LARGE1: variants seen among roughly 807,000 people sequenced by gnomAD.
LARGE1 encodes xylosyl- and glucuronyltransferase LARGE1.
Under a neutral mutation model 87.6 loss-of-function variants are expected in LARGE1, and 43 were observed. The observed-to-expected ratio is 0.49, with a 90% CI of 0.38 to 0.63. The LOEUF is 0.63. LARGE1 is among the 30% of genes least tolerant of loss of function. LARGE1 has a pLI of 0.00. For synonymous variants in LARGE1, 434 were observed against 394.6 expected (o/e 1.10, Z -1.18); for missense variants, 802 against 1,000.2 (o/e 0.80, Z 2.67).
intron 1 of LARGE1, among the ~76,000 whole-genome samples, chr22:33,874,616 G>A (rs2064407572): frequency 6.6e-6 from 1 of 151,984 alleles, no homozygotes; most frequent in African/African-American, 2.4e-5. Context: ...ATAAATCTTG[G>A]GCAAGACACT....
At chr22:33,210,482 C>G (rs1924906098) in intron 11 of LARGE1, among the ~76,000 whole-genome samples, 1 of 152,246 alleles carries the variant, frequency 6.6e-6, no homozygotes, top group Non-Finnish European at 1.5e-5. Context: ...AGGAGCCCTA[C>G]AGGGCTGAAC....
intron 11 of LARGE1, among the ~76,000 whole-genome samples, chr22:33,197,586 A>C (rs986625055): frequency 1.3e-5 from 2 of 152,092 alleles, no homozygotes; most frequent in African/African-American, 4.8e-5. Flanking sequence ...TAATAAAAGA[A>C]GTATAATAGC....
chr22:33,493,154 CT>C (rs750203810), intron 6 of LARGE1, among the ~76,000 whole-genome samples: 1,314 of 109,224 alleles, frequency 0.012, 11 homozygotes, highest in African/African-American at 0.04. Flanking sequence ...GCATGGTGGC[CT>C]TTTTTTTTTT....
At chr22:33,115,617 A>G in the LARGE1 span, among the ~76,000 whole-genome samples, 4 of 152,030 alleles carry the variant, frequency 2.6e-5, no homozygotes, top group Non-Finnish European at 5.9e-5. Flanking sequence ...GGAGATGGAG[A>G]CCATCCTGGC....
chr22:33,096,518 C>T, the LARGE1 span, among the ~76,000 whole-genome samples: 1 of 149,094 alleles, frequency 6.7e-6, no homozygotes, highest in Non-Finnish European at 1.5e-5. Context: ...ATTTAGCATT[C>T]AACATTTATT....
At chr22:33,358,683 CCT>C (rs1352795706) in intron 9 of LARGE1, among the ~76,000 whole-genome samples, 2 of 152,038 alleles carry the variant, frequency 1.3e-5, no homozygotes, top group East Asian at 1.9e-4. Context: ...TAAAATTCAG[CCT>C]CTGAGTCTGT....
chr22:33,701,356 A>C (rs1178965529), intron 2 of LARGE1, among the ~76,000 whole-genome samples: 1 of 152,226 alleles, frequency 6.6e-6, no homozygotes, highest in Non-Finnish European at 1.5e-5. Flanking sequence ...AGGTTGCTGG[A>C]AACAGAACAG....
At chr22:33,414,926 C>T (rs967301489) in intron 7 of LARGE1, among the ~76,000 whole-genome samples, 10 of 152,236 alleles carry the variant, frequency 6.6e-5, no homozygotes, top group Non-Finnish European at 1.5e-4. Flanking sequence ...TGATCTTGGA[C>T]TTCCCAGCCT....
At chr22:33,782,800 G>A (rs1160515169) in intron 1 of LARGE1, among the ~76,000 whole-genome samples, 2 of 151,544 alleles carry the variant, frequency 1.3e-5, no homozygotes, top group African/African-American at 4.9e-5. Flanking sequence ...GGGAGGTGGA[G>A]GTTGCAGTGA....
intron 11 of LARGE1, among the ~76,000 whole-genome samples, chr22:33,314,936 G>T (rs1303978964): frequency 1.3e-5 from 2 of 152,140 alleles, no homozygotes; most frequent in African/African-American, 4.8e-5. Flanking sequence ...TGGGATAGGT[G>T]CAGGGGCTCA....
chr22:33,454,165 AAC>A (rs1411889098), intron 6 of LARGE1, among the ~76,000 whole-genome samples: 2 of 152,184 alleles, frequency 1.3e-5, no homozygotes, highest in African/African-American at 4.8e-5. Flanking sequence ...TTTATATTCC[AAC>A]AATTACAGAG....
At chr22:33,490,189 G>A (rs960225578) in intron 6 of LARGE1, among the ~76,000 whole-genome samples, 4 of 152,040 alleles carry the variant, frequency 2.6e-5, no homozygotes, top group Non-Finnish European at 4.4e-5. Context: ...TTATATATTC[G>A]GGTAAGTTAT....
At chr22:33,123,045 T>A in the LARGE1 span, among the ~76,000 whole-genome samples, 1 of 152,108 alleles carries the variant, frequency 6.6e-6, no homozygotes, top group Non-Finnish European at 1.5e-5. Flanking sequence ...GTGGGAACCT[T>A]CTTAGAACTG....
At chr22:33,802,949 T>C (rs1052411526) in intron 1 of LARGE1, among the ~76,000 whole-genome samples, 1 of 152,160 alleles carries the variant, frequency 6.6e-6, no homozygotes, top group African/African-American at 2.4e-5. Flanking sequence ...CTGGCAAGGC[T>C]GGACAGATAG....
chr22:33,571,026 C>T lies in LARGE1; in HGVS notation c.616-6007G>A, dbSNP rs78341839. Among the ~76,000 whole-genome samples the T allele has an allele frequency of 6.5e-3, 988 of 152,210 alleles. 11 individuals are homozygous for T. The highest frequency in any genetic ancestry group is 0.022 in the African/African-American group (909 of 41,520). ...ACCATGTTGTTCATCACTATCAACACGCCAAAGGGTTCGTGTAATTAAAAT... is the reference window on the plus strand; with the variant it reads ...ACCATGTTGTTCATCACTATCAACATGCCAAAGGGTTCGTGTAATTAAAAT... On this transcript the variant is annotated intron_variant, in intron 5 of 14. Transcript: ENST00000397394.
chr22:33,521,240 T>TAA (rs2071576025), intron 6 of LARGE1, among the ~76,000 whole-genome samples: 1 of 152,260 alleles, frequency 6.6e-6, no homozygotes, highest in Non-Finnish European at 1.5e-5. Flanking sequence ...TCCTCACATG[T>TAA]AGTGGCTTAA....
intron 11 of LARGE1, among the ~76,000 whole-genome samples, chr22:33,193,872 A>ACATATAATGTTT (rs1244025183): frequency 6.8e-6 from 1 of 147,894 alleles, no homozygotes; most frequent in African/African-American, 2.5e-5. Context: ...TTTATATATT[A>ACATATAATGTTT]TATATAATGT....
chr22:33,842,394 G>A (rs1490141669), intron 1 of LARGE1, among the ~76,000 whole-genome samples: 2 of 149,894 alleles, frequency 1.3e-5, no homozygotes, highest in East Asian at 2.0e-4. Flanking sequence ...GCTTAGAGGG[G>A]AAATAACATA....
intron 1 of LARGE1, among the ~76,000 whole-genome samples, chr22:33,781,394 G>C (rs532645517): frequency 6.6e-6 from 1 of 152,046 alleles, no homozygotes; most frequent in Non-Finnish European, 1.5e-5. Flanking sequence ...CCAGCTACTC[G>C]GGAGGCTGAG....
Sources: gnomAD v4.1 joint callset for allele counts (sites outside exome capture counted in the v4.1 genomes callset) on GRCh38, gnomAD v4.1.1 for gene constraint, MANE v1.5 for transcripts, NCBI Gene and HGNC (gene_info 2026-07-23, HGNC 2026-07-21) for gene names.